The following C1orf159 variants were observed in gnomAD, a reference collection of about 807,000 sequenced individuals.
The protein encoded by C1orf159 is chromosome 1 open reading frame 159.
C1orf159 carries 19 observed loss-of-function variants against 25.6 expected under a neutral mutation model. The observed-to-expected ratio is 0.74, with a 90% confidence interval of 0.52 to 1.09. The LOEUF is 1.09. C1orf159 is among the 50% of genes least tolerant of loss of function. The pLI is 0.00. For synonymous variants in C1orf159, 139 were observed against 124.7 expected, an observed-to-expected ratio of 1.12 and a Z score of -0.77; for missense variants, 274 against 290.6, an observed-to-expected ratio of 0.94 and a Z score of 0.42.
chr1:1,087,576 G>A lies in C1orf159; in HGVS notation c.170C>T (p.Ala57Val), dbSNP rs1422684668. The A allele has an allele frequency of 6.5e-6, 10 of 1,547,914 alleles. No individual in the cohort carries two copies. Among genetic ancestry groups the A allele is most frequent in the East Asian group, 4.9e-5 (2 of 40,906 alleles). The change falls in exon 5 of 10, where the codon GCG becomes GTG. Residue 57 changes from alanine (A) to valine (V), a missense_variant. Ala to Val is a moderately conservative substitution (Grantham distance 64). Transcript: ENST00000421241. The surrounding 1 kb of genome is among the most constrained non-coding windows in gnomAD (Gnocchi z 8.3). ...GCGGACGCAGCTGGCGCTCCCGTCC[G>A]CGTTCCAGCGCCTGTAACAGCCTGC... ...CGPGCYRRWN[A>V]DGSASCVRCG...
intron 1 of C1orf159, among the ~76,000 whole-genome samples, chr1:1,107,998 T>C (rs1317495450): frequency 6.6e-6 from 1 of 152,254 alleles, no homozygotes; most frequent in Admixed American, 6.5e-5. Flanking sequence ...GGTCTGCGGC[T>C]TCATTCTTGA....
intron 4 of C1orf159, 46 bp downstream of exon 4, chr1:1,090,307 T>C: frequency 6.5e-7 from 1 of 1,533,672 alleles, no homozygotes; most frequent in East Asian, 2.5e-5. Flanking sequence ...CACACACCAG[T>C]GGCTCAGGGG....
chr1:1,098,527 A>G (rs1169579911), intron 1 of C1orf159, among the ~76,000 whole-genome samples: 2 of 152,134 alleles, frequency 1.3e-5, no homozygotes, highest in Non-Finnish European at 2.9e-5. Context: ...ACTTTGTATG[A>G]TTCTTTTAAA....
At chr1:1,115,849 G>A (rs1293799569) in intron 1 of C1orf159, among the ~76,000 whole-genome samples, 1 of 143,250 alleles carries the variant, frequency 7.0e-6, no homozygotes, top group Non-Finnish European at 1.5e-5. Context: ...GGCCAGGCTC[G>A]TTGGGAGGCG....
Position 1,092,013 on chromosome 1 carries a change from A to T in C1orf159, c.-45T>A, listed in dbSNP as rs569927584. 2.2e-6 allele frequency: 1 copy of T among 456,928 alleles called. No homozygotes were observed. Among genetic ancestry groups the T allele is most frequent in the East Asian group, 6.9e-5 (1 of 14,434 alleles). 28.3% of individuals were successfully genotyped at this position (456,928 alleles called of 1,614,324 possible). On this transcript the variant is annotated 5_prime_UTR_variant, in exon 2 of 10. Coordinates refer to ENST00000421241, the MANE Select transcript of C1orf159 (RefSeq NM_017891.5). ...TACCTGCCCCTCCAGGATGGGGACT[A>T]CCGACATCAGCCCTTTGCCCGCCTG...
At chr1:1,113,743 A>T (rs1439010346) in intron 1 of C1orf159, among the ~76,000 whole-genome samples, 1 of 152,160 alleles carries the variant, frequency 6.6e-6, no homozygotes, top group African/African-American at 2.4e-5. Flanking sequence ...TGAGAGATCA[A>T]GTGCGCAGTT....
In C1orf159 at chr1:1,082,566, G is replaced by T. The variant is rs558604243; in HGVS notation, c.*327C>A. On this transcript the variant is annotated 3_prime_UTR_variant, in exon 10 of 10. Transcript: ENST00000421241. Reference sequence around the variant, plus strand: ...TAGGCAGAGCGGCACCTGCCCCATAGATCGTGCCAGCTTTGGCTGCAGGCG... The same window carrying T: ...TAGGCAGAGCGGCACCTGCCCCATATATCGTGCCAGCTTTGGCTGCAGGCG... 368 of 389,890 alleles carry T rather than the reference G, an allele frequency of 9.4e-4. 2 individuals are homozygous for T. The highest frequency in any genetic ancestry group is 2.3e-4 in the Non-Finnish European group (48 of 208,468). The allele number at this position is 389,890 out of a possible 1,614,324, so 24.2% of individuals were successfully genotyped here. A position where few individuals can be genotyped will look rare whatever the true frequency, so the allele number is the denominator to read the frequency against.
At position 1,084,392 on chromosome 1, in the gene C1orf159, G is replaced by C; in HGVS notation, c.472-9C>G. On this transcript the variant is annotated splice_polypyrimidine_tract_variant and intron_variant, in intron 8 of 9. Coordinates refer to ENST00000421241, the MANE Select transcript of C1orf159 (RefSeq NM_017891.5). The stretch of plus-strand genomic sequence containing the variant: ...GGGGGGATCATTGCAGCCTTGAAAA[G>C]GAGAGAAAGGCAGAGTGAGGACTCG... The C allele has an allele frequency of 6.3e-7, 1 of 1,579,040 alleles. No homozygotes were observed.
chr1:1,108,460 CA>C (rs1423357798), intron 1 of C1orf159, among the ~76,000 whole-genome samples: 12 of 136,844 alleles, frequency 8.8e-5, no homozygotes, highest in Non-Finnish European at 1.6e-4. Flanking sequence ...CACCGTTCAC[CA>C]CAGCCACCAT....
At chr1:1,084,404 AGAGT>A in intron 8 of C1orf159, 21 bp from the exon 9 acceptor site, 2 of 1,581,834 alleles carry the variant, frequency 1.3e-6, no homozygotes, top group Admixed American at 3.8e-5. Flanking sequence ...AGAGAAAGGC[AGAGT>A]GAGGACTCGG....
intron 1 of C1orf159, among the ~76,000 whole-genome samples, chr1:1,102,281 G>A (rs907484426): frequency 1.3e-5 from 2 of 151,674 alleles, no homozygotes; most frequent in Non-Finnish European, 2.9e-5. Flanking sequence ...TGTTAGACAT[G>A]TTGATATCAC....
At position 1,092,061 on chromosome 1, in the gene C1orf159, G is replaced by A. The variant is rs1399785316; in HGVS notation, c.-93C>T. The A allele has an allele frequency of 2.2e-6, 1 of 454,720 alleles. No homozygotes were observed. Among genetic ancestry groups the A allele is most frequent in the Non-Finnish European group, 4.4e-6 (1 of 226,136 alleles). 28.2% of individuals were successfully genotyped at this position (454,720 alleles called of 1,614,324 possible). On this transcript the variant is annotated 5_prime_UTR_variant, in exon 2 of 10. Coordinates refer to ENST00000421241, the MANE Select transcript of C1orf159 (RefSeq NM_017891.5). ...CTGGGTGTTCAGGGGTTAGCTCTGG[G>A]AGCTCATGGGCTCAGCTGAGCCCTG...
intron 1 of C1orf159, among the ~76,000 whole-genome samples, chr1:1,114,542 C>A (rs1646307246): frequency 6.6e-6 from 1 of 152,138 alleles, no homozygotes; most frequent in Admixed American, 6.5e-5. Flanking sequence ...TGCCTGTGCA[C>A]CCCAGGGCTG....
In C1orf159 at chr1:1,110,141, G is replaced by A. The variant is rs1313238551; in HGVS notation, c.-136+5919C>T. On this transcript the variant is annotated intron_variant, in intron 1 of 9. Transcript: ENST00000421241. This position sits in a 1 kb window ranked among gnomAD's most constrained non-coding sequence, Gnocchi z 4.8. ...GATTATAACTCGGCGTCTTATTGCC[G>A]CAGAGTCTGTCAGTCTCGTGATCTC... is the stretch of plus-strand genomic sequence containing the variant. 6.6e-6 allele frequency among the ~76,000 whole-genome samples: 1 copy of A among 152,156 alleles called. No homozygotes were observed. Among genetic ancestry groups the A allele is most frequent in the African/African-American group, 2.4e-5 (1 of 41,430 alleles).
intron 1 of C1orf159, among the ~76,000 whole-genome samples, chr1:1,104,818 GA>G (rs111307827): frequency 1.6e-4 from 23 of 142,694 alleles, no homozygotes; most frequent in East Asian, 4.0e-4. Context: ...TGTCTCAAAG[GA>G]AAAAAAAAAA....
At chr1:1,107,146 AG>A (rs1486993720) in intron 1 of C1orf159, among the ~76,000 whole-genome samples, 1 of 152,268 alleles carries the variant, frequency 6.6e-6, no homozygotes, top group East Asian at 1.9e-4. Context: ...TGAGGAGTGT[AG>A]CGCACGGCAC....
At chr1:1,098,866 G>A (rs1269120499) in intron 1 of C1orf159, among the ~76,000 whole-genome samples, 2 of 152,000 alleles carry the variant, frequency 1.3e-5, no homozygotes, top group African/African-American at 4.8e-5. Context: ...CCCGACTCGG[G>A]CTCCCAAAGT....
intron 9 of C1orf159, chr1:1,083,448 G>C: frequency 5.0e-6 from 1 of 200,936 alleles, no homozygotes; most frequent in Middle Eastern, 2.0e-3. Context: ...CCACCTGAGA[G>C]AGAGGCAGAG....
chr1:1,107,069 C>G (rs1488279446), intron 1 of C1orf159, among the ~76,000 whole-genome samples: 4 of 152,218 alleles, frequency 2.6e-5, no homozygotes, highest in African/African-American at 4.8e-5. Context: ...TCCCACACAG[C>G]CCGAGCCTCC....
Sources: gnomAD v4.1 joint callset for allele counts (sites outside exome capture counted in the v4.1 genomes callset) on GRCh38, gnomAD v4.1.1 for gene constraint, Gnocchi (gnomAD v3.1) non-coding constraint, MANE v1.5 for transcripts, NCBI Gene and HGNC (gene_info 2026-07-23, HGNC 2026-07-21) for gene names.